The following CLNK variants were observed in gnomAD, a reference collection of about 807,000 sequenced individuals.
CLNK encodes cytokine dependent hematopoietic cell linker, also known as cytokine-dependent hematopoietic cell linker.
In CLNK, 74 loss-of-function variants were observed where a neutral mutation model predicts 68.6. The ratio of observed to expected loss-of-function variants is 1.08; its 90% CI spans 0.89 to 1.31. CLNK has a LOEUF of 1.31. Ranked by LOEUF, CLNK falls within the 50% of genes most tolerant of loss-of-function variation. The probability of loss-of-function intolerance (pLI) is 0.00; values close to 1 mark genes in which losing one functional copy is unlikely to be tolerated. For missense variants in CLNK, 553 were observed against 515.3 expected, an observed-to-expected ratio of 1.07 and a Z score of -0.71; for synonymous variants, 198 against 172.2, an observed-to-expected ratio of 1.15 and a Z score of -1.17.
At chr4:10,694,020 T>C in the CLNK span, among the ~76,000 whole-genome samples, 8 of 152,036 alleles carry the variant, frequency 5.3e-5, no homozygotes, top group Non-Finnish European at 1.2e-4. Flanking sequence ...AAAAAGACTG[T>C]CGTATCTTCT....
At chr4:10,597,929 A>T in intron 3 of CLNK, 49 bp downstream of exon 3, 2 of 1,279,130 alleles carry the variant, frequency 1.6e-6, no homozygotes, top group Non-Finnish European at 2.2e-6. Context: ...TATTTGCTAC[A>T]GAATTAAAAT....
At chr4:10,653,388 A>AT (rs1723833757) in intron 2 of CLNK, among the ~76,000 whole-genome samples, 2 of 48,532 alleles carry the variant, frequency 4.1e-5, no homozygotes, top group South Asian at 1.3e-3. Context: ...ATAAACTCTC[A>AT]AAAAAAACTC....
At chr4:10,642,017 C>T (rs2108876179) in intron 2 of CLNK, among the ~76,000 whole-genome samples, 1 of 152,240 alleles carries the variant, frequency 6.6e-6, no homozygotes, top group African/African-American at 2.4e-5. Context: ...TCCATTAAAC[C>T]TCTTTTTCTT....
chr4:10,508,071 T>C (rs1287732312), intron 16 of CLNK, 35 bp from the exon 17 acceptor site: 2 of 1,527,830 alleles, frequency 1.3e-6, no homozygotes, highest in Non-Finnish European at 8.9e-7. Flanking sequence ...TATTTTAGGG[T>C]CAATGGGAAG....
At chr4:10,532,106 A>C (rs1560204246) in intron 12 of CLNK, 150 bp downstream of exon 12, 2 of 710,806 alleles carry the variant, frequency 2.8e-6, no homozygotes, top group Non-Finnish European at 2.5e-6. Context: ...TGGCTTTCTT[A>C]TCTTTAAAAT....
the CLNK span, among the ~76,000 whole-genome samples, chr4:10,702,832 A>G: frequency 6.6e-6 from 1 of 152,180 alleles, no homozygotes; most frequent in South Asian, 2.1e-4. Flanking sequence ...AAATAAGCAG[A>G]TGGACCCCCA....
chr4:10,590,422 C>T (rs563975268), intron 3 of CLNK, among the ~76,000 whole-genome samples: 31 of 152,118 alleles, frequency 2.0e-4, no homozygotes, highest in Non-Finnish European at 4.4e-4. Context: ...GGATTTGGTT[C>T]TGTCTCCAGG....
chr4:10,543,387 T>C (rs1414886194), intron 8 of CLNK, among the ~76,000 whole-genome samples: 2 of 152,140 alleles, frequency 1.3e-5, no homozygotes, highest in Non-Finnish European at 2.9e-5. Context: ...GACTTAAACC[T>C]CCACTGAACA....
At chr4:10,673,401 C>T (rs1029536096) in intron 1 of CLNK, among the ~76,000 whole-genome samples, 5 of 152,012 alleles carry the variant, frequency 3.3e-5, no homozygotes, top group Non-Finnish European at 7.4e-5. Flanking sequence ...GAACTTCCAA[C>T]ACTACGTTGA....
At chr4:10,516,648 G>A (rs1439790669) in intron 15 of CLNK, among the ~76,000 whole-genome samples, 1 of 151,470 alleles carries the variant, frequency 6.6e-6, no homozygotes, top group African/African-American at 2.4e-5. Flanking sequence ...TGCCTCCTGG[G>A]TTCAAGCAAC....
intron 8 of CLNK, among the ~76,000 whole-genome samples, chr4:10,554,257 T>G (rs1412084477): frequency 6.6e-6 from 1 of 152,210 alleles, no homozygotes; most frequent in East Asian, 1.9e-4. Context: ...CTTTTCATTA[T>G]GCGTGTATTT....
rs1716364887 is a variant in CLNK, at chr4:10,486,571, G to GTGTA, written c.*3895_*3896insTACA. 1.3e-5 allele frequency: 2 copies of GTGTA among 152,032 alleles called. No homozygotes were observed. The highest frequency in any genetic ancestry group is 1.3e-4 in the Admixed American group (2 of 15,262). 9.4% of individuals were successfully genotyped at this position (152,032 alleles called of 1,614,324 possible). A position where few individuals can be genotyped will look rare whatever the true frequency, so the allele number is the denominator to read the frequency against. On this transcript the variant is annotated 3_prime_UTR_variant, in exon 19 of 19. Transcript: ENST00000226951. Reference sequence around the variant, plus strand: ...ATTTGTGTACACACATACATAATTGGCTACATTCGACAATGGGGTTCATTT... The same window carrying GTGTA: ...ATTTGTGTACACACATACATAATTGGTGTACTACATTCGACAATGGGGTTCATTT...
Position 10,490,473 on chromosome 4 carries a change from A to C in CLNK, c.1281T>G (p.Pro427=). Residue 427 remains proline (P), a synonymous_variant, in exon 19 of 19, where the codon CCT becomes CCG. Transcript: ENST00000226951. ...QPLPLTRHLL[P]L ...AGATAACACAAAGACCAGGCTACAG[A>C]GGCAAGAGGTGTCTGGTGAGAGGGA... 6.2e-7 allele frequency: 1 copy of C among 1,613,220 alleles called. No homozygotes were observed. The highest frequency in any genetic ancestry group is 8.5e-7 in the Non-Finnish European group (1 of 1,179,638).
chr4:10,653,378 A>G lies in CLNK; in HGVS notation c.11+14481T>C, dbSNP rs568425300. On this transcript the variant is annotated intron_variant, in intron 2 of 18. Transcript: ENST00000226951. Reference sequence around the variant, plus strand: ...AAAGTATAAAAAAAAAGAACGTAAAATAAACTCTCAAAAAAAACTCACAAA... The same window carrying G: ...AAAGTATAAAAAAAAAGAACGTAAAGTAAACTCTCAAAAAAAACTCACAAA... Among the ~76,000 whole-genome samples the G allele has an allele frequency of 2.4e-5, 3 of 123,126 alleles. No homozygotes were observed. The South Asian group carries it at 7.8e-4, about 32-fold the overall frequency. 80.8% of individuals were successfully genotyped at this position (123,126 alleles called of 152,430 possible). A position where few individuals can be genotyped will look rare whatever the true frequency, so the allele number is the denominator to read the frequency against.
At chr4:10,513,405 A>C (rs1370875722) in intron 16 of CLNK, 59 bp downstream of exon 16, 1 of 1,526,638 alleles carries the variant, frequency 6.6e-7, no homozygotes, top group Non-Finnish European at 8.9e-7. Flanking sequence ...TTGTTCAGGA[A>C]AGCTCTATTT....
In CLNK at chr4:10,581,601, A is replaced by G. The variant is rs113863536; in HGVS notation, c.112+3326T>C. On this transcript the variant is annotated intron_variant, in intron 4 of 18. Transcript: ENST00000226951. ...CTGTTCTCTAGTTCTTAATTTCCTCATATGTAAAATATAGTAATACAATCT... is the reference window on the plus strand; with the variant it reads ...CTGTTCTCTAGTTCTTAATTTCCTCGTATGTAAAATATAGTAATACAATCT... Among the ~76,000 whole-genome samples, 935 of 152,168 alleles carry G rather than the reference A, an allele frequency of 6.1e-3. 4 individuals are homozygous for G. The highest frequency in any genetic ancestry group is 9.8e-3 in the Non-Finnish European group (669 of 68,012).
At chr4:10,605,020 A>G (rs1337760444) in intron 2 of CLNK, among the ~76,000 whole-genome samples, 3 of 152,230 alleles carry the variant, frequency 2.0e-5, no homozygotes, top group African/African-American at 4.8e-5. Context: ...AACAAAGACT[A>G]GGGTTTCCTG....
intron 12 of CLNK, among the ~76,000 whole-genome samples, chr4:10,530,521 C>A (rs1190248982): frequency 6.6e-6 from 1 of 152,170 alleles, no homozygotes; most frequent in Non-Finnish European, 1.5e-5. Context: ...TTGCACTAGA[C>A]CTTCTTGTTC....
chr4:10,575,115 T>C (rs757030831), intron 4 of CLNK, among the ~76,000 whole-genome samples: 2 of 152,236 alleles, frequency 1.3e-5, no homozygotes, highest in African/African-American at 2.4e-5. Context: ...GTCCGTATTG[T>C]ATTCTGAGTT....
Sources: allele counts gnomAD v4.1 joint callset (sites outside exome capture counted in the v4.1 genomes callset), GRCh38; gene constraint gnomAD v4.1.1; transcripts MANE v1.5; gene names NCBI Gene and HGNC (gene_info 2026-07-23, HGNC 2026-07-21).